Variants in CYP1B1 observed in about 807,000 individuals in gnomAD.
CYP1B1 encodes the protein cytochrome P450 1B1.
CYP1B1 carries 22 observed loss-of-function variants against 29.9 expected under a neutral mutation model. That is an observed-to-expected ratio of 0.74 (90% CI 0.53 to 1.05). CYP1B1 has a LOEUF of 1.05. Ranked by LOEUF, CYP1B1 falls within the 50% of genes least tolerant of loss-of-function variation. The pLI, the probability that CYP1B1 is intolerant of heterozygous loss-of-function variation, is 0.00. For synonymous variants in CYP1B1, 375 were observed against 320.0 expected (o/e 1.17, Z -1.83); for missense variants, 883 against 746.9 (o/e 1.18, Z -2.12).
rs201544164 is a variant in CYP1B1 at position 38,074,530 on chromosome 2, C to T, written c.859G>A (p.Ala287Thr). The change falls in exon 2 of 3, where the codon GCC becomes ACC. Residue 287 changes from alanine (A) to threonine (T), a missense_variant. Coordinates refer to ENST00000610745, the MANE Select transcript of CYP1B1 (RefSeq NM_000104.4). Reference sequence around the variant, plus strand: ...GCGTCCATCATGTCGCGGGGGGCGGCCCCGGGCCGAAGGCTTTCGCAGTGC... The same window carrying T: ...GCGTCCATCATGTCGCGGGGGGCGGTCCCGGGCCGAAGGCTTTCGCAGTGC... Reference protein sequence around the residue: ...LRHCESLRPGAAPRDMMDAFI... With the variant: ...LRHCESLRPGTAPRDMMDAFI... 80 of 1,607,498 alleles carry T rather than the reference C, an allele frequency of 5.0e-5. No homozygotes were observed. The East Asian group carries it at 1.7e-3, about 35-fold the overall frequency.
In CYP1B1 at chr2:38,075,148, A is replaced by T. The variant is rs9282671; in HGVS notation, c.241T>A (p.Tyr81Asn). 3.9e-3 allele frequency: 6,152 copies of T among 1,574,856 alleles called. 28 individuals are homozygous for T. Among genetic ancestry groups the T allele is most frequent in the Non-Finnish European group, 4.1e-3 (4,794 of 1,168,066 alleles). ...AGGCGGATCTGGAAAACGTCGCCGT[A>T]GCGCCGCGCCAGGCGAGCGAACGAG... ...HLSFARLARR[Y>N]GDVFQIRLGS... The change falls in exon 2 of 3, where the codon TAC becomes AAC. Residue 81 changes from tyrosine to asparagine, a missense_variant. Tyr to Asn is a moderately radical substitution (Grantham distance 143). Transcript: ENST00000610745.
At chr2:38,073,592 CAG>C (rs1682470155) in intron 2 of CYP1B1, 1 of 152,276 alleles carries the variant, frequency 6.6e-6, no homozygotes, top group African/African-American at 2.4e-5. Flanking sequence ...ACGTGGGCAT[CAG>C]GGGGTCCGCT....
chr2:38,069,044 G>T lies in CYP1B1; in HGVS notation c.*1678C>A. ...CTTAGGACACTGTAGAACTTTCTTTGGAAGTTTAATTGCAATGAACTTTAA... is the reference window on the plus strand; with the variant it reads ...CTTAGGACACTGTAGAACTTTCTTTTGAAGTTTAATTGCAATGAACTTTAA... On this transcript the variant is annotated 3_prime_UTR_variant, in exon 3 of 3. Transcript: ENST00000610745. 1 of 224,422 alleles carries T rather than the reference G, an allele frequency of 4.5e-6. No homozygotes were observed. Among genetic ancestry groups the T allele is most frequent in the Non-Finnish European group, 8.9e-6 (1 of 112,554 alleles). 13.9% of individuals were successfully genotyped at this position (224,422 alleles called of 1,614,324 possible).
rs762178467 is a variant in CYP1B1, at chr2:38,074,339, GCTTTA to G, written c.1043+2_1043+6del. The G allele has an allele frequency of 3.1e-6, 5 of 1,612,822 alleles. No homozygotes were observed. Among genetic ancestry groups the G allele is most frequent in the Non-Finnish European group, 4.2e-6 (5 of 1,179,896 alleles). On this transcript the variant is annotated splice_donor_variant and splice_donor_5th_base_variant and intron_variant, in intron 2 of 2. Transcript: ENST00000610745. LOFTEE classifies it high-confidence loss of function. ...AAGACCTGGCCCACGCCTCCCAGAGGCTTTACCTGGTGAAGAGGAGGAGCAGCCAC... is the reference window on the plus strand; with the variant it reads ...AAGACCTGGCCCACGCCTCCCAGAGGCCTGGTGAAGAGGAGGAGCAGCCAC...
rs72480442 is a variant in CYP1B1 at position 38,071,252 on chromosome 2, G to C, written c.1102C>G (p.Arg368Gly). 3 of 1,613,036 alleles carry C rather than the reference G, an allele frequency of 1.9e-6. No individual in the cohort carries two copies. In the East Asian group the frequency reaches 6.7e-5, roughly 36 times the overall value. ...GGCTGGTCACCCATACAAGGCAGAC[G>C]GTCCCTCCCCACGACCTGATCCAAT... ...AELDQVVGRD[R>G]LPCMGDQPNL... is the part of the protein sequence containing the mutation. The change falls in exon 3 of 3, where the codon CGT becomes GGT. Residue 368 changes from arginine (R) to glycine (G), a missense_variant. Coordinates refer to ENST00000610745, the MANE Select transcript of CYP1B1 (RefSeq NM_000104.4).
In CYP1B1 at chr2:38,075,384, C is replaced by G. The variant is rs1220917781; in HGVS notation, c.5G>C (p.Gly2Ala). ...AGGGTCGTTCGGGCTGAGGCTGGTG[C>G]CCATGCTGGGGACAGAGAGGAGAAG... is the stretch of plus-strand genomic sequence containing the variant. M[G>A]TSLSPNDPWP... Residue 2 changes from glycine (G) to alanine (A), a missense_variant, in exon 2 of 3, where the codon GGC becomes GCC. Physicochemically the swap from Gly to Ala is moderately conservative, Grantham distance 60. Transcript: ENST00000610745. 4 of 1,612,156 alleles carry G rather than the reference C, an allele frequency of 2.5e-6. No individual in the cohort carries two copies. Among genetic ancestry groups the G allele is most frequent in the Non-Finnish European group, 3.4e-6 (4 of 1,179,944 alleles).
chr2:38,071,749 T>G (rs1203841393), intron 2 of CYP1B1, among the ~76,000 whole-genome samples: 1 of 152,198 alleles, frequency 6.6e-6, no homozygotes, highest in Non-Finnish European at 1.5e-5. Context: ...AGAAAATATT[T>G]TCATACATCA....
chr2:38,074,230 G>T lies in CYP1B1; in HGVS notation c.1043+116C>A. 2.6e-6 allele frequency: 3 copies of T among 1,157,084 alleles called. No homozygotes were observed. The Admixed American group carries it at 6.1e-5, about 23-fold the overall frequency. 71.7% of individuals were successfully genotyped at this position (1,157,084 alleles called of 1,614,324 possible). A position where few individuals can be genotyped will look rare whatever the true frequency, so the allele number is the denominator to read the frequency against. ...ACGCGATCTTGGTTTTGAGGGGTGG[G>T]GACCTGGAGCGAAACCCCAAACCCG... On this transcript the variant is annotated intron_variant, in intron 2 of 2. Transcript: ENST00000610745.
chr2:38,074,235 T>C, intron 2 of CYP1B1, 111 bp downstream of exon 2: 4 of 1,239,268 alleles, frequency 3.2e-6, no homozygotes, highest in Non-Finnish European at 4.6e-6. Context: ...GGTGGGGACC[T>C]GGAGCGAAAC....
rs772909671 is a variant in CYP1B1 at position 38,070,885 on chromosome 2, T to A, written c.1469A>T (p.Gln490Leu). Reference sequence around the variant, plus strand: ...ATTTGGGTTGGCCCTGAAATCGCACTGGTGAGCCAGGATGGAGATGAAGAG... The same window carrying A: ...ATTTGGGTTGGCCCTGAAATCGCACAGGTGAGCCAGGATGGAGATGAAGAG... ...LFLFISILAH[Q>L]CDFRANPNEP... The change falls in exon 3 of 3, where the codon CAG becomes CTG. Residue 490 changes from glutamine to leucine, a missense_variant. By Grantham distance (113) the Gln-to-Leu change is moderately radical. Transcript: ENST00000610745. The A allele has an allele frequency of 2.6e-5, 42 of 1,614,040 alleles. No homozygotes were observed. Among genetic ancestry groups the A allele is most frequent in the Non-Finnish European group, 3.3e-5 (39 of 1,180,018 alleles).
rs777407143 is a variant in CYP1B1, at chr2:38,067,691, A to G, written c.*3031T>C. Reference sequence around the variant, plus strand: ...AATTTTTTTTTAATTTGGTATATCAAACAGTAAAGGCTACATATAAATGTT... The same window carrying G: ...AATTTTTTTTTAATTTGGTATATCAGACAGTAAAGGCTACATATAAATGTT... On this transcript the variant is annotated 3_prime_UTR_variant, in exon 3 of 3. Coordinates refer to ENST00000610745, the MANE Select transcript of CYP1B1 (RefSeq NM_000104.4). 5.5e-6 allele frequency: 1 copy of G among 180,718 alleles called. No individual in the cohort carries two copies. The allele number at this position is 180,718 out of a possible 1,614,324, so 11.2% of individuals were successfully genotyped here.
rs1198506525 is a variant in CYP1B1 at position 38,074,857 on chromosome 2, C to G, written c.532G>C (p.Val178Leu). ...GHVLSEAREL[V>L]ALLVRGSADG... ...GCGCTGCCGCGCACCAGCAGCGCCA[C>G]CAGCTCGCGCGCCTCGCTCAGCACG... is the stretch of plus-strand genomic sequence containing the variant. The change falls in exon 2 of 3, where the codon GTG becomes CTG. Residue 178 changes from valine to leucine, a missense_variant. Physicochemically the swap from Val to Leu is conservative, Grantham distance 32. Coordinates refer to ENST00000610745, the MANE Select transcript of CYP1B1 (RefSeq NM_000104.4). The G allele has an allele frequency of 6.4e-7, 1 of 1,556,430 alleles. No individual in the cohort carries two copies. Among genetic ancestry groups the G allele is most frequent in the African/African-American group, 1.4e-5 (1 of 73,488 alleles).
At chr2:38,071,911 A>C (rs1682440153) in intron 2 of CYP1B1, among the ~76,000 whole-genome samples, 1 of 152,194 alleles carries the variant, frequency 6.6e-6, no homozygotes, top group Admixed American at 6.5e-5. Flanking sequence ...TTCCCTGGAC[A>C]ATTCCAACAG....
chr2:38,074,761 AAC>A lies in CYP1B1; in HGVS notation c.626_627del (p.Cys209PhefsTer14), dbSNP rs104894980. The A allele has an allele frequency of 6.3e-7, 1 of 1,599,522 alleles. No homozygotes were observed. Among genetic ancestry groups the A allele is most frequent in the African/African-American group, 1.3e-5 (1 of 74,856 alleles). Reference protein sequence around the residue: ...VAVANVMSAVCFGCRYSHDDP... With the variant: ...VAVANVMSAVXFGCRYSHDDP... ...TCGTCGTGGCTGTAGCGGCAGCCGA[AAC>A]ACACGGCACTCATGACGTTGGCCAC... On this transcript the variant is annotated frameshift_variant, in exon 2 of 3. Coordinates refer to ENST00000610745, the MANE Select transcript of CYP1B1 (RefSeq NM_000104.4). LOFTEE classifies it high-confidence loss of function.
At position 38,074,737 on chromosome 2, in the gene CYP1B1, C is replaced by T; in HGVS notation, c.652G>A (p.Asp218Asn). Residue 218 changes from aspartate to asparagine, a missense_variant, in exon 2 of 3, where the codon GAC (aspartate) becomes AAC (asparagine). Transcript: ENST00000610745. ...VCFGCRYSHD[D>N]PEFRELLSHN... The stretch of plus-strand genomic sequence containing the variant: ...CTGAGCAGCTCACGGAACTCGGGGT[C>T]GTCGTGGCTGTAGCGGCAGCCGAAA... 1 of 1,607,160 alleles carries T rather than the reference C, an allele frequency of 6.2e-7. No individual in the cohort carries two copies. The highest frequency in any genetic ancestry group is 8.5e-7 in the Non-Finnish European group (1 of 1,177,678).
At position 38,075,042 on chromosome 2, in the gene CYP1B1, T is replaced by C; in HGVS notation, c.347A>G (p.Asp116Gly). 1 of 1,588,308 alleles carries C rather than the reference T, an allele frequency of 6.3e-7. No individual in the cohort carries two copies. The highest frequency in any genetic ancestry group is 8.5e-7 in the Non-Finnish European group (1 of 1,175,340). ...ACGGAAGGAGGCGAAGGCCGGCCGG[T>C]CGGCGAAGGCCGAGCCCTGCTGCAC... The part of the protein sequence containing the change: ...ALVQQGSAFA[D>G]RPAFASFRVV... The change falls in exon 2 of 3, where the codon GAC becomes GGC. Residue 116 changes from aspartate (D) to glycine (G), a missense_variant. Transcript: ENST00000610745.
intron 1 of CYP1B1, 23 bp from the exon 2 acceptor site, chr2:38,075,412 G>A (rs1393414531): frequency 1.9e-6 from 3 of 1,607,810 alleles, no homozygotes; most frequent in Non-Finnish European, 1.7e-6. Flanking sequence ...AGGAGAAGGC[G>A]TGACACTCAG....
At chr2:38,073,072 G>C (rs1044100266) in intron 2 of CYP1B1, among the ~76,000 whole-genome samples, 3 of 152,160 alleles carry the variant, frequency 2.0e-5, no homozygotes. Context: ...AACCTATTCC[G>C]GGATTTCCTT....
In CYP1B1 at chr2:38,071,134, G is replaced by T. The variant is rs761190485; in HGVS notation, c.1220C>A (p.Thr407Asn). ...GGGAATGTGGTAGCCCAAGACAGAG[G>T]TGTTGGCAGTGGTGGCATGAGGAAT... is the stretch of plus-strand genomic sequence containing the variant. Reference protein sequence around the residue: ...VTIPHATTANTSVLGYHIPKD... With the variant: ...VTIPHATTANNSVLGYHIPKD... The change falls in exon 3 of 3, where the codon ACC becomes AAC. Residue 407 changes from threonine (T) to asparagine (N), a missense_variant. Coordinates refer to ENST00000610745, the MANE Select transcript of CYP1B1 (RefSeq NM_000104.4). The T allele has an allele frequency of 6.2e-7, 1 of 1,613,768 alleles. No homozygotes were observed. Among genetic ancestry groups the T allele is most frequent in the Admixed American group, 1.7e-5 (1 of 60,008 alleles).
Sources: allele counts gnomAD v4.1 joint callset (sites outside exome capture counted in the v4.1 genomes callset), GRCh38; gene constraint gnomAD v4.1.1; transcripts MANE v1.5; gene names NCBI Gene and HGNC (gene_info 2026-07-23, HGNC 2026-07-21).